The following NBL1 variants were observed in gnomAD, a reference collection of about 807,000 sequenced individuals.
NBL1 encodes the protein neuroblastoma suppressor of tumorigenicity 1.
A neutral mutation model predicts 16.0 loss-of-function variants in NBL1; 9 were observed. The ratio of observed to expected loss-of-function variants is 0.56; its 90% CI spans 0.34 to 0.98. The LOEUF is 0.98. Ranked by LOEUF, NBL1 falls within the 50% of genes least tolerant of loss-of-function variation. The pLI, the probability that NBL1 is intolerant of heterozygous loss-of-function variation, is 0.02. For synonymous variants in NBL1, 86 were observed against 100.7 expected (o/e 0.85, Z 0.87); for missense variants, 196 against 243.1 (o/e 0.81, Z 1.29).
At chr1:19,647,920 TAC>T (rs1558361094) in intron 1 of NBL1, among the ~76,000 whole-genome samples, 1 of 152,084 alleles carries the variant, frequency 6.6e-6, no homozygotes, top group Admixed American at 6.6e-5. Flanking sequence ...TGTGCGGATG[TAC>T]ATTTTCTTGT....
intron 1 of NBL1, chr1:19,647,617 T>A: frequency 3.0e-6 from 3 of 985,478 alleles, no homozygotes; most frequent in Non-Finnish European, 3.6e-6. Context: ...CCACAAACGC[T>A]GCGTGCTCGT....
chr1:19,650,872 G>A lies in NBL1; in HGVS notation c.-19-4140G>A, dbSNP rs1010528952. On this transcript the variant is annotated intron_variant, in intron 1 of 3. Coordinates refer to ENST00000375136, the MANE Select transcript of NBL1 (RefSeq NM_005380.8). ...CCGGTGGGGGCAGCCTGGGCTCTTC[G>A]GGGCTGGGCAGGAGGGTGGGCGGAG... is the stretch of plus-strand genomic sequence containing the variant. Among the ~76,000 whole-genome samples the A allele has an allele frequency of 1.3e-5, 2 of 152,180 alleles. 1 individual carries two copies. The highest frequency in any genetic ancestry group is 4.1e-4 in the South Asian group (2 of 4,830).
chr1:19,647,689 A>G (rs749787075), intron 1 of NBL1: 7 of 985,134 alleles, frequency 7.1e-6, no homozygotes, highest in Non-Finnish European at 8.4e-6. Flanking sequence ...GTCCGTCTCC[A>G]TCAGCTGGGG....
intron 1 of NBL1, among the ~76,000 whole-genome samples, chr1:19,653,408 A>C (rs1021755736): frequency 1.3e-5 from 2 of 151,558 alleles, no homozygotes; most frequent in African/African-American, 4.9e-5. Context: ...CTGTGGGGCC[A>C]CTGGGACCAG....
chr1:19,655,260 A>G, intron 2 of NBL1, 60 bp downstream of exon 2: 2 of 1,611,010 alleles, frequency 1.2e-6, no homozygotes, highest in Non-Finnish European at 1.7e-6. Flanking sequence ...GAGGAAGAGG[A>G]CCAGGGCTGC....
Position 19,656,983 on chromosome 1 carries a change from G to T in NBL1, c.400G>T (p.Val134Phe), listed in dbSNP as rs766791857. The change falls in exon 4 of 4, where the codon GTC becomes TTC. Residue 134 changes from valine to phenylalanine, a missense_variant. Val to Phe is a conservative substitution (Grantham distance 50). Coordinates refer to ENST00000375136, the MANE Select transcript of NBL1 (RefSeq NM_005380.8). ...GKEPSHEGLSVYVQGEDGPGS... is the reference protein window; with the variant it reads ...GKEPSHEGLSFYVQGEDGPGS... ...GGAGCCTAGTCACGAGGGGCTGAGC[G>T]TCTATGTGCAGGGCGAGGACGGGCC... The T allele has an allele frequency of 6.2e-7, 1 of 1,608,048 alleles. No individual in the cohort carries two copies. Among genetic ancestry groups the T allele is most frequent in the Non-Finnish European group, 8.5e-7 (1 of 1,177,584 alleles).
Position 19,657,218 on chromosome 1 carries a change from C to T in NBL1, c.*89C>T. The T allele has an allele frequency of 3.2e-6, 2 of 625,192 alleles. No individual in the cohort carries two copies. Among genetic ancestry groups the T allele is most frequent in the South Asian group, 2.1e-5 (1 of 46,958 alleles). 38.7% of individuals were successfully genotyped at this position (625,192 alleles called of 1,614,324 possible). A position where few individuals can be genotyped will look rare whatever the true frequency, so the allele number is the denominator to read the frequency against. ...AAGTCAGGGGAGAAGCTGAAGCCCC[C>T]CTTTGGCACTGGATGGACTTGGCTT... is the stretch of plus-strand genomic sequence containing the variant. On this transcript the variant is annotated 3_prime_UTR_variant, in exon 4 of 4. Coordinates refer to ENST00000375136, the MANE Select transcript of NBL1 (RefSeq NM_005380.8).
intron 1 of NBL1, among the ~76,000 whole-genome samples, chr1:19,649,692 C>T (rs1570554594): frequency 1.3e-5 from 2 of 152,022 alleles, no homozygotes; most frequent in East Asian, 3.9e-4. Context: ...TTTTACTACA[C>T]CTTTTCTTTC....
chr1:19,643,961 G>T (rs1033855340), upstream of NBL1: 1 of 985,602 alleles, frequency 1.0e-6, no homozygotes, highest in Non-Finnish European at 1.2e-6. The surrounding 1 kb of genome is among the most constrained non-coding windows in gnomAD (Gnocchi z 4.7). Flanking sequence ...CTCGGTAAAA[G>T]TCGGGCGGAG....
chr1:19,644,314 G>C lies in NBL1; in HGVS notation c.-152G>C, dbSNP rs1029390706. On this transcript the variant is annotated 5_prime_UTR_variant, in exon 1 of 4. Transcript: ENST00000375136. The surrounding 1 kb of genome is among the most constrained non-coding windows in gnomAD (Gnocchi z 4.6). ...CGCCGCGCGCCCGCCCGGGGCCGCA[G>C]ACAGCGCGCAGCGCAGCCCAGCCGA... 1.0e-6 allele frequency: 1 copy of C among 979,168 alleles called. No individual in the cohort carries two copies. The highest frequency in any genetic ancestry group is 1.8e-5 in the African/African-American group (1 of 56,530). 60.7% of individuals were successfully genotyped at this position (979,168 alleles called of 1,614,324 possible).
upstream of NBL1, chr1:19,644,249 G>A (rs1285628302): frequency 1.0e-6 from 1 of 978,510 alleles, no homozygotes; most frequent in Non-Finnish European, 1.2e-6. The surrounding 1 kb of genome is among the most constrained non-coding windows in gnomAD (Gnocchi z 4.6). Context: ...CTCGCGCCCT[G>A]TTTGGAGGGA....
chr1:19,645,932 T>A, intron 1 of NBL1: 1 of 1,550,278 alleles, frequency 6.5e-7, no homozygotes, highest in Non-Finnish European at 8.7e-7. Flanking sequence ...AGGTCTGCAG[T>A]GGAACTTCTG....
At chr1:19,652,622 G>T (rs1298072109) in intron 1 of NBL1, among the ~76,000 whole-genome samples, 1 of 152,100 alleles carries the variant, frequency 6.6e-6, no homozygotes, top group Non-Finnish European at 1.5e-5. Flanking sequence ...GCTTGGAGGG[G>T]TTCACAGCCC....
chr1:19,658,204 A>C lies in NBL1; in HGVS notation c.*1075A>C, dbSNP rs1270222199. 1 of 152,782 alleles carries C rather than the reference A, an allele frequency of 6.5e-6. No individual in the cohort carries two copies. The allele number at this position is 152,782 out of a possible 1,614,324, so 9.5% of individuals were successfully genotyped here. ...TGCCTGCCTCCTCCCTCCCAGCTGCACTTTAACCCTAGAAGGTGGGGACCT... is the reference window on the plus strand; with the variant it reads ...TGCCTGCCTCCTCCCTCCCAGCTGCCCTTTAACCCTAGAAGGTGGGGACCT... On this transcript the variant is annotated 3_prime_UTR_variant, in exon 4 of 4. Coordinates refer to ENST00000375136, the MANE Select transcript of NBL1 (RefSeq NM_005380.8).
intron 3 of NBL1, among the ~76,000 whole-genome samples, chr1:19,656,187 C>T (rs61071252): frequency 0.036 from 5,518 of 151,580 alleles, 186 homozygotes; most frequent in African/African-American, 0.083. Flanking sequence ...ACAGGGTAGG[C>T]GCTCTGTGGA....
At position 19,655,055 on chromosome 1, in the gene NBL1, G is replaced by A; in HGVS notation, c.25G>A (p.Ala9Thr). MMLRVLVGAVLPAMLLAAP... is the reference protein window; with the variant it reads MMLRVLVGTVLPAMLLAAP... ...CATGATGCTTCGGGTCCTGGTGGGG[G>A]CTGTCCTCCCTGCCATGCTACTGGC... Residue 9 changes from alanine to threonine, a missense_variant, in exon 2 of 4, where the codon GCT (alanine) becomes ACT (threonine). By Grantham distance (58) the Ala-to-Thr change is moderately conservative. Coordinates refer to ENST00000375136, the MANE Select transcript of NBL1 (RefSeq NM_005380.8). 6.2e-7 allele frequency: 1 copy of A among 1,611,510 alleles called. No homozygotes were observed.
At chr1:19,656,162 G>A (rs930670653) in intron 3 of NBL1, among the ~76,000 whole-genome samples, 2 of 152,052 alleles carry the variant, frequency 1.3e-5, no homozygotes, top group Non-Finnish European at 2.9e-5. Flanking sequence ...GTGTCTTTGT[G>A]TCCCCAGAGC....
intron 1 of NBL1, among the ~76,000 whole-genome samples, chr1:19,653,203 G>A (rs368817501): frequency 7.0e-6 from 1 of 143,566 alleles, no homozygotes; most frequent in African/African-American, 2.6e-5. Context: ...AGGAGAAGGC[G>A]TGAACCCAGG....
intron 3 of NBL1, among the ~76,000 whole-genome samples, chr1:19,656,218 A>G (rs900356762): frequency 4.0e-5 from 6 of 151,834 alleles, no homozygotes; most frequent in Non-Finnish European, 1.5e-5. Flanking sequence ...GAAGAGAGGA[A>G]GGGAGGGAGA....
Sources: gnomAD v4.1 joint callset for allele counts (sites outside exome capture counted in the v4.1 genomes callset) on GRCh38, gnomAD v4.1.1 for gene constraint, Gnocchi (gnomAD v3.1) non-coding constraint, MANE v1.5 for transcripts, NCBI Gene and HGNC (gene_info 2026-07-23, HGNC 2026-07-21) for gene names.